LINGO2: variants seen among roughly 807,000 people sequenced by gnomAD.
The protein encoded by LINGO2 is leucine rich repeat and Ig domain containing 2, also known as leucine-rich repeat and immunoglobulin-like domain-containing nogo receptor-interacting protein 2.
A neutral mutation model predicts 30.6 loss-of-function variants in LINGO2; 14 were observed. That is an observed-to-expected ratio of 0.46 (90% CI 0.30 to 0.72). LINGO2 has a LOEUF of 0.72. Among genes scored for constraint, LINGO2 ranks in the 30% least tolerant of loss-of-function variants. LINGO2 has a pLI of 0.07. For missense variants in LINGO2, 729 were observed against 751.7 expected, an observed-to-expected ratio of 0.97 and a Z score of 0.35; for synonymous variants, 317 against 288.5, an observed-to-expected ratio of 1.10 and a Z score of -1.00.
the LINGO2 span, among the ~76,000 whole-genome samples, chr9:28,974,299 G>A: frequency 3.3e-5 from 5 of 152,180 alleles, no homozygotes; most frequent in African/African-American, 4.8e-5. Flanking sequence ...CCAGCTCCTC[G>A]GGAGGCTGAG....
At chr9:28,450,785 G>A (rs528353633) in intron 2 of LINGO2, among the ~76,000 whole-genome samples, 11 of 152,014 alleles carry the variant, frequency 7.2e-5, no homozygotes, top group South Asian at 4.1e-4. Context: ...CTTTTTAAAT[G>A]TATATATTAA....
the LINGO2 span, among the ~76,000 whole-genome samples, chr9:29,106,871 A>G: frequency 4.6e-5 from 7 of 152,280 alleles, no homozygotes; most frequent in East Asian, 1.4e-3. Context: ...GGATACACAC[A>G]CAAATTCAGA....
At chr9:28,947,536 G>A in the LINGO2 span, among the ~76,000 whole-genome samples, 1 of 151,926 alleles carries the variant, frequency 6.6e-6, no homozygotes, top group East Asian at 1.9e-4. Flanking sequence ...ACAAATTTGA[G>A]TCTGCTATTG....
chr9:28,001,498 A>T (rs1407829582), intron 5 of LINGO2, among the ~76,000 whole-genome samples: 1 of 151,906 alleles, frequency 6.6e-6, no homozygotes, highest in Non-Finnish European at 1.5e-5. Context: ...AAAGTGTGCA[A>T]AATATGCTCC....
intron 4 of LINGO2, among the ~76,000 whole-genome samples, chr9:28,022,517 T>C (rs913072153): frequency 3.3e-5 from 5 of 152,132 alleles, no homozygotes; most frequent in African/African-American, 1.2e-4. Flanking sequence ...CCTCAGCTTT[T>C]GCTGGTCTGA....
chr9:28,042,936 G>A (rs921801217), intron 4 of LINGO2, among the ~76,000 whole-genome samples: 5 of 152,136 alleles, frequency 3.3e-5, no homozygotes, highest in South Asian at 2.1e-4. Flanking sequence ...CAGTAGCACC[G>A]TGATGAGAAA....
At chr9:29,149,632 T>G in the LINGO2 span, among the ~76,000 whole-genome samples, 135 of 151,966 alleles carry the variant, frequency 8.9e-4, 1 homozygote, top group Non-Finnish European at 1.3e-3. Flanking sequence ...AGCAGGGCAG[T>G]CTACTCTCCT....
Position 28,579,053 on chromosome 9 carries a change from TAA to T in LINGO2, c.-365+91145_-365+91146del, listed in dbSNP as rs554335066. On this transcript the variant is annotated intron_variant, in intron 1 of 5. Coordinates refer to ENST00000379992, the Ensembl canonical transcript of LINGO2. ...TATTTGAAAATCAATATTTAAATCA[TAA>T]GAGCTCTTTTTTTTTTGTTTCTACA... 4.9e-3 allele frequency among the ~76,000 whole-genome samples: 298 copies of T among 61,096 alleles called. 2 individuals carry two copies. The highest frequency in any genetic ancestry group is 0.014 in the African/African-American group (278 of 20,526). 40.1% of individuals were successfully genotyped at this position (61,096 alleles called of 152,430 possible). A position where few individuals can be genotyped will look rare whatever the true frequency, so the allele number is the denominator to read the frequency against.
intron 4 of LINGO2, among the ~76,000 whole-genome samples, chr9:28,258,467 A>C (rs1181604381): frequency 6.6e-6 from 1 of 151,948 alleles, no homozygotes; most frequent in Non-Finnish European, 1.5e-5. Context: ...AGATCACTGC[A>C]AAAAAACTTT....
chr9:29,089,016 G>A, the LINGO2 span, among the ~76,000 whole-genome samples: 1 of 151,902 alleles, frequency 6.6e-6, no homozygotes, highest in Non-Finnish European at 1.5e-5. Context: ...CCAGGGCTTA[G>A]ACAATCAACA....
chr9:28,094,597 T>C (rs934140043), intron 4 of LINGO2, among the ~76,000 whole-genome samples: 2 of 152,214 alleles, frequency 1.3e-5, no homozygotes, highest in East Asian at 3.9e-4. Context: ...CAATCTGTTC[T>C]TTTGATAATA....
intron 2 of LINGO2, among the ~76,000 whole-genome samples, chr9:28,374,917 A>G (rs889020278): frequency 6.6e-6 from 1 of 152,170 alleles, no homozygotes; most frequent in African/African-American, 2.4e-5. Flanking sequence ...AAACAAAAAC[A>G]GGAAATTAAA....
intron 5 of LINGO2, among the ~76,000 whole-genome samples, chr9:27,980,737 C>T (rs1820814508): frequency 6.6e-6 from 1 of 151,838 alleles, no homozygotes; most frequent in South Asian, 2.1e-4. Context: ...GAGAGGTTGG[C>T]CTATCTGGGA....
chr9:29,179,158 AATATATATATATATATATAT>A, the LINGO2 span, among the ~76,000 whole-genome samples: 65 of 101,618 alleles, frequency 6.4e-4, 1 homozygote, highest in African/African-American at 1.5e-3. Flanking sequence ...TCTTACTGTA[AATATATATATATATATATAT>A]ATATATATAT....
chr9:28,568,627 C>A (rs918318203), intron 1 of LINGO2, among the ~76,000 whole-genome samples: 5 of 151,784 alleles, frequency 3.3e-5, no homozygotes, highest in African/African-American at 4.8e-5. Context: ...AAGAAACATG[C>A]CATAAAATTA....
chr9:28,136,299 AG>A, intron 4 of LINGO2, among the ~76,000 whole-genome samples: 1 of 152,214 alleles, frequency 6.6e-6, no homozygotes, highest in Non-Finnish European at 1.5e-5. Context: ...AATTAGAAAA[AG>A]GCATTCCCTT....
chr9:28,041,249 T>C (rs1396491303), intron 4 of LINGO2, among the ~76,000 whole-genome samples: 1 of 152,228 alleles, frequency 6.6e-6, no homozygotes, highest in African/African-American at 2.4e-5. Context: ...CACAGGTTCA[T>C]ACAATGTGGC....
the LINGO2 span, among the ~76,000 whole-genome samples, chr9:28,848,081 C>T: frequency 0.05 from 2,226 of 44,096 alleles, 563 homozygotes; most frequent in African/African-American, 0.29. Flanking sequence ...TATATATATA[C>T]ACACTATATA....
intron 3 of LINGO2, among the ~76,000 whole-genome samples, chr9:28,296,366 C>A (rs1390191053): frequency 3.3e-5 from 5 of 152,066 alleles, no homozygotes; most frequent in Non-Finnish European, 7.4e-5. Context: ...TATACAGAAG[C>A]AAATTTATTA....
Sources: gnomAD v4.1 joint callset for allele counts (sites outside exome capture counted in the v4.1 genomes callset) on GRCh38, gnomAD v4.1.1 for gene constraint, MANE v1.5 for transcripts, NCBI Gene and HGNC (gene_info 2026-07-23, HGNC 2026-07-21) for gene names.